The following ZDHHC11B variants were observed in gnomAD, a reference collection of about 807,000 sequenced individuals.
ZDHHC11B encodes the protein zDHHC palmitoyltransferase 11B (putative), also known as probable palmitoyltransferase ZDHHC11B.
A neutral mutation model predicts 42.3 loss-of-function variants in ZDHHC11B; 17 were observed. That is an observed-to-expected ratio of 0.40 (90% CI 0.27 to 0.60). ZDHHC11B has a LOEUF of 0.60. ZDHHC11B is among the 20% of genes least tolerant of loss of function. The pLI is 0.41. For missense variants in ZDHHC11B, 262 were observed against 463.2 expected (o/e 0.57, Z 3.99); for synonymous variants, 123 against 193.5 (o/e 0.64, Z 3.02).
chr5:774,830 G>T (rs1356287508), intron 1 of ZDHHC11B, among the ~76,000 whole-genome samples: 1 of 151,840 alleles, frequency 6.6e-6, no homozygotes, highest in Admixed American at 6.6e-5. Flanking sequence ...CTCTCACTAG[G>T]GCCAGCTGCT....
Position 710,914 on chromosome 5 carries a change from AAT to A in ZDHHC11B, c.*1374_*1375del, listed in dbSNP as rs1470925079. Reference sequence around the variant, plus strand: ...TCCCAGTACTGTGCTCCCATTTCCCAATGCTATGCTCCCATTTCCCAGTGCTG... The same window carrying A: ...TCCCAGTACTGTGCTCCCATTTCCCAGCTATGCTCCCATTTCCCAGTGCTG... On this transcript the variant is annotated 3_prime_UTR_variant, in exon 14 of 14. Coordinates refer to ENST00000508859, the MANE Select transcript of ZDHHC11B (RefSeq NM_001351303.2). 2.7e-4 allele frequency: 8 copies of A among 29,580 alleles called. No homozygotes were observed. Among genetic ancestry groups the A allele is most frequent in the Non-Finnish European group, 4.6e-4 (7 of 15,104 alleles). The allele number at this position is 29,580 out of a possible 1,614,324, so 1.8% of individuals were successfully genotyped here. A position where few individuals can be genotyped will look rare whatever the true frequency, so the allele number is the denominator to read the frequency against.
At chr5:720,713 A>T (rs1742118666) in intron 12 of ZDHHC11B, among the ~76,000 whole-genome samples, 1 of 151,746 alleles carries the variant, frequency 6.6e-6, no homozygotes, top group Non-Finnish European at 1.5e-5. Flanking sequence ...AATAATTATA[A>T]ATATTGTTAA....
chr5:725,830 C>G (rs1235487681), intron 12 of ZDHHC11B, among the ~76,000 whole-genome samples: 2 of 152,284 alleles, frequency 1.3e-5, no homozygotes, highest in African/African-American at 2.4e-5. Context: ...TCCTGGGAGG[C>G]TGCGTGAGTG....
intron 12 of ZDHHC11B, among the ~76,000 whole-genome samples, chr5:721,864 G>A (rs28579623): frequency 0.03 from 4,518 of 151,308 alleles, 309 homozygotes; most frequent in African/African-American, 0.11. Context: ...AATTAGTGCA[G>A]GGATAGACAA....
At chr5:733,723 A>T in intron 11 of ZDHHC11B, 29 bp downstream of exon 11, 1 of 1,591,276 alleles carries the variant, frequency 6.3e-7, no homozygotes, top group Non-Finnish European at 8.6e-7. Context: ...CCCTGTCCTC[A>T]GGGTGCATTG....
At chr5:730,358 C>T (rs1285093313) in intron 12 of ZDHHC11B, 76 bp downstream of exon 12, 3 of 1,469,782 alleles carry the variant, frequency 2.0e-6, no homozygotes, top group Non-Finnish European at 2.8e-6. Flanking sequence ...AAATAGAGAA[C>T]ATATTTTCCT....
At chr5:749,216 C>T (rs373697711) in intron 7 of ZDHHC11B, among the ~76,000 whole-genome samples, 2 of 129,896 alleles carry the variant, frequency 1.5e-5, no homozygotes, top group Admixed American at 8.9e-5. Flanking sequence ...CTAAAACAGC[C>T]GCCTTCAAAT....
In ZDHHC11B at chr5:751,143, G is replaced by A. The variant is rs533716895; in HGVS notation, c.618C>T (p.Pro206=). The A allele has an allele frequency of 3.1e-6, 4 of 1,289,412 alleles. No individual in the cohort carries two copies. The highest frequency in any genetic ancestry group is 3.6e-5 in the African/African-American group (2 of 55,510). The allele number at this position is 1,289,412 out of a possible 1,614,324, so 79.9% of individuals were successfully genotyped here. A position where few individuals can be genotyped will look rare whatever the true frequency, so the allele number is the denominator to read the frequency against. ...LVNPRVLRTD[P]RYEDVKNMNT... ...GCGGCGGCCACGTACCTTCATACCT[G>A]GGGTCCGTGCGGAGCACCCTGGGGT... The change falls in exon 7 of 14, where the codon CCC becomes CCT. Residue 206 remains proline (P), a synonymous_variant. Transcript: ENST00000508859.
intron 1 of ZDHHC11B, among the ~76,000 whole-genome samples, chr5:771,483 G>C (rs1182768126): frequency 6.6e-6 from 1 of 150,770 alleles, no homozygotes; most frequent in Non-Finnish European, 1.5e-5. Flanking sequence ...ACCGCGTGGG[G>C]GCAGGATCCT....
intron 2 of ZDHHC11B, among the ~76,000 whole-genome samples, chr5:767,894 G>A (rs1263446619): frequency 1.5e-4 from 2 of 13,456 alleles, no homozygotes; most frequent in African/African-American, 2.1e-4. Flanking sequence ...GCCAGCTCTC[G>A]CTGTGGGGGA....
intron 4 of ZDHHC11B, among the ~76,000 whole-genome samples, chr5:756,919 C>G (rs1442294100): frequency 6.6e-6 from 1 of 151,730 alleles, no homozygotes; most frequent in Non-Finnish European, 1.5e-5. Flanking sequence ...TCAGGGAGCC[C>G]AGACTCACTC....
Position 764,461 on chromosome 5 carries a change from C to T in ZDHHC11B, c.222+2237G>A, listed in dbSNP as rs1484827663. Among the ~76,000 whole-genome samples, 10 of 151,920 alleles carry T rather than the reference C, an allele frequency of 6.6e-5. 1 individual carries two copies. Among genetic ancestry groups the T allele is most frequent in the South Asian group, 2.1e-4 (1 of 4,824 alleles). ...CAGCGGGCCCTGCACTCAGAGCAGC[C>T]GGCCGGCACTGCCGGCCCCGGGCAG... On this transcript the variant is annotated intron_variant, in intron 4 of 13. Coordinates refer to ENST00000508859, the MANE Select transcript of ZDHHC11B (RefSeq NM_001351303.2).
At chr5:742,816 G>A (rs12523529) in intron 9 of ZDHHC11B, among the ~76,000 whole-genome samples, 47,275 of 144,980 alleles carry the variant, frequency 0.33, 7,643 homozygotes, top group South Asian at 0.51. Context: ...CTTTTGAAGA[G>A]CAAATATTTT....
At chr5:754,493 C>T (rs1207267856) in intron 6 of ZDHHC11B, among the ~76,000 whole-genome samples, 1 of 126,934 alleles carries the variant, frequency 7.9e-6, no homozygotes, top group Non-Finnish European at 1.7e-5. Flanking sequence ...AGGGAAACAT[C>T]TCTCTTCCTT....
rs549717338 is a variant in ZDHHC11B, at chr5:711,410, C to T, written c.*880G>A. ...TTTCCTAGTACTGTGCTCCCATTTC[C>T]CAGTGCTGTGCTCCCAATTCCCAGT... On this transcript the variant is annotated 3_prime_UTR_variant, in exon 14 of 14. Coordinates refer to ENST00000508859, the MANE Select transcript of ZDHHC11B (RefSeq NM_001351303.2). 0.024 allele frequency: 3,731 copies of T among 154,380 alleles called. 134 individuals carry two copies. The highest frequency in any genetic ancestry group is 0.088 in the African/African-American group (3,539 of 40,100). 9.6% of individuals were successfully genotyped at this position (154,380 alleles called of 1,614,324 possible).
chr5:776,982 C>T (rs1736556117), intron 1 of ZDHHC11B, among the ~76,000 whole-genome samples: 2 of 152,028 alleles, frequency 1.3e-5, no homozygotes, highest in South Asian at 4.2e-4. Flanking sequence ...CAGAACAAAG[C>T]TGGCAGTTTT....
chr5:743,776 T>C (rs1370494420), intron 9 of ZDHHC11B, among the ~76,000 whole-genome samples: 1 of 150,016 alleles, frequency 6.7e-6, no homozygotes, highest in Non-Finnish European at 1.5e-5. Flanking sequence ...TTATCTTAAC[T>C]AGGTCTTAAA....
intron 13 of ZDHHC11B, among the ~76,000 whole-genome samples, 193 bp from the exon 14 acceptor site, chr5:712,475 G>A (rs1016279700): frequency 6.5e-5 from 9 of 138,712 alleles, no homozygotes; most frequent in African/African-American, 2.5e-4. Context: ...GAGTCCTCCC[G>A]AGCCAGGCTC....
At chr5:771,750 G>A (rs1201086913) in intron 1 of ZDHHC11B, among the ~76,000 whole-genome samples, 18 of 150,960 alleles carry the variant, frequency 1.2e-4, no homozygotes, top group African/African-American at 3.9e-4. Flanking sequence ...AGTGGTGGGC[G>A]TGCGGGTCAG....
Sources: allele counts gnomAD v4.1 joint callset (sites outside exome capture counted in the v4.1 genomes callset), GRCh38; gene constraint gnomAD v4.1.1; transcripts MANE v1.5; gene names NCBI Gene and HGNC (gene_info 2026-07-23, HGNC 2026-07-21).